The following GLI2 variants were observed in gnomAD, a reference collection of about 807,000 sequenced individuals.
GLI2 encodes GLI family zinc finger 2.
In GLI2, 22 loss-of-function variants were observed where a neutral mutation model predicts 78.9. That is an observed-to-expected ratio of 0.28 (90% confidence interval 0.20 to 0.40). The LOEUF (loss-of-function observed/expected upper bound fraction) is 0.40. Ranked by LOEUF, GLI2 falls within the 10% of genes least tolerant of loss-of-function variation. The probability of loss-of-function intolerance (pLI) is 1.00; values close to 1 mark genes in which losing one functional copy is unlikely to be tolerated. For missense variants in GLI2, 2,097 were observed against 2,213.2 expected (o/e 0.95, Z 1.05); for synonymous variants, 974 against 963.7 (o/e 1.01, Z -0.20).
intron 3 of GLI2, among the ~76,000 whole-genome samples, chr2:120,933,846 GCCCT>G (rs1680061974): frequency 3.0e-5 from 1 of 32,810 alleles, no homozygotes; most frequent in African/African-American, 1.6e-4. Flanking sequence ...TTCCAGCCCT[GCCCT>G]GCCCTGCCCT....
rs1681980422 is a variant in GLI2 at position 120,968,718 on chromosome 2, C to G, written c.648C>G (p.Ser216=). 2 of 1,612,596 alleles carry G rather than the reference C, an allele frequency of 1.2e-6. No individual in the cohort carries two copies. Among genetic ancestry groups the G allele is most frequent in the African/African-American group, 2.7e-5 (2 of 75,020 alleles). ...CTTGTGTTGACTATCCCACAGTGTC[C>G]CGTTTCTCCAGCCCGCGGGTGACGC... ...LHDYLNPVDV[S]RFSSPRVTPR... is the part of the protein sequence containing the mutation. Residue 216 remains serine (S), a synonymous_variant, in exon 6 of 14, where the codon TCC becomes TCG. Transcript: ENST00000361492.
rs1682330637 is a variant in GLI2, at chr2:120,735,873, T to A, written c.-443T>A. On this transcript the variant is annotated 5_prime_UTR_variant, in exon 1 of 14. An upstream start codon of the reference 5' UTR is lost. Coordinates refer to ENST00000361492, the MANE Select transcript of GLI2 (RefSeq NM_001374353.1). The stretch of plus-strand genomic sequence containing the variant: ...GCGCTGCGCAGTCCGGCGGCGCTGA[T>A]GGATTGCAGAAGTGCCGGCGCTTGC... 6.6e-6 allele frequency among the ~76,000 whole-genome samples: 1 copy of A among 151,462 alleles called. No individual in the cohort carries two copies. Among genetic ancestry groups the A allele is most frequent in the African/African-American group, 2.4e-5 (1 of 41,216 alleles).
chr2:120,830,140 C>T (rs1038503303), intron 2 of GLI2, among the ~76,000 whole-genome samples: 4 of 152,204 alleles, frequency 2.6e-5, no homozygotes, highest in Non-Finnish European at 4.4e-5. Context: ...ACCCTGGGCC[C>T]GCTCTGCCCC....
At chr2:120,906,263 C>T (rs753485660) in intron 2 of GLI2, among the ~76,000 whole-genome samples, 1 of 152,184 alleles carries the variant, frequency 6.6e-6, no homozygotes, top group Non-Finnish European at 1.5e-5. Context: ...GGTTTCCCCT[C>T]TCCCTGCCTG....
chr2:120,844,612 C>G (rs1419662394), intron 2 of GLI2, among the ~76,000 whole-genome samples: 1 of 146,928 alleles, frequency 6.8e-6, no homozygotes, highest in Non-Finnish European at 1.5e-5. Flanking sequence ...TTCTTTCCAG[C>G]TCCAAAATGT....
intron 1 of GLI2, among the ~76,000 whole-genome samples, chr2:120,783,995 C>T (rs1031251372): frequency 3.3e-5 from 5 of 152,168 alleles, no homozygotes; most frequent in Non-Finnish European, 5.9e-5. Context: ...GCTTCGGCTT[C>T]GTGTGAGGCT....
intron 2 of GLI2, among the ~76,000 whole-genome samples, chr2:120,855,127 C>G (rs1346595141): frequency 1.3e-5 from 2 of 152,190 alleles, no homozygotes; most frequent in Non-Finnish European, 2.9e-5. Flanking sequence ...AAAACAGAAC[C>G]CACCAGACAT....
Position 120,988,837 on chromosome 2 carries a change from C to T in GLI2, c.2872C>T (p.Arg958Trp). The T allele has an allele frequency of 8.8e-6, 13 of 1,471,044 alleles. No individual in the cohort carries two copies. The highest frequency in any genetic ancestry group is 1.2e-5 in the Non-Finnish European group (13 of 1,113,026). 91.1% of individuals were successfully genotyped at this position (1,471,044 alleles called of 1,614,324 possible). Reference sequence around the variant, plus strand: ...CAGGCGGGCCAGCGACCCTGTGCGGCGGCCCGATGCCCTGTCCCTGCCGCG... The same window carrying T: ...CAGGCGGGCCAGCGACCCTGTGCGGTGGCCCGATGCCCTGTCCCTGCCGCG... The part of the protein sequence containing the change: ...GARRASDPVR[R>W]PDALSLPRVQ... Residue 958 changes from arginine (R) to tryptophan (W), a missense_variant, in exon 14 of 14, where the codon CGG becomes TGG. Physicochemically the swap from Arg to Trp is moderately radical, Grantham distance 101 (BLOSUM62 -3). Transcript: ENST00000361492.
chr2:120,772,618 C>T (rs954052764), intron 1 of GLI2, among the ~76,000 whole-genome samples: 2 of 152,268 alleles, frequency 1.3e-5, no homozygotes, highest in Non-Finnish European at 2.9e-5. Flanking sequence ...GTCTGCCTGC[C>T]TGACCCTTGG....
chr2:120,820,183 A>C (rs1685695751), intron 2 of GLI2, among the ~76,000 whole-genome samples: 1 of 152,142 alleles, frequency 6.6e-6, no homozygotes, highest in African/African-American at 2.4e-5. Flanking sequence ...CTCTGAGCTA[A>C]GATAGTTCTC....
chr2:120,831,240 A>G (rs778915553), intron 2 of GLI2, among the ~76,000 whole-genome samples: 1 of 152,100 alleles, frequency 6.6e-6, no homozygotes, highest in African/African-American at 2.4e-5. Context: ...CTTCTGCCAA[A>G]GGCATCTTGG....
chr2:120,800,351 G>T lies in GLI2; in HGVS notation c.148+2883G>T, dbSNP rs1400221034. On this transcript the variant is annotated intron_variant, in intron 2 of 13. Transcript: ENST00000361492. This position sits in a 1 kb window ranked among gnomAD's most constrained non-coding sequence, Gnocchi z 4.1. ...AGGAGCAGACTGAGTCGACTCCCCT[G>T]TTGCTGCGCAGGTGACCACTTAGAA... 6.6e-6 allele frequency among the ~76,000 whole-genome samples: 1 copy of T among 152,104 alleles called. No individual in the cohort carries two copies. Among genetic ancestry groups the T allele is most frequent in the Admixed American group, 6.5e-5 (1 of 15,272 alleles).
chr2:120,895,961 T>G (rs1558865034), intron 2 of GLI2, among the ~76,000 whole-genome samples: 1 of 152,174 alleles, frequency 6.6e-6, no homozygotes, highest in Non-Finnish European at 1.5e-5. Flanking sequence ...CACCTCCTGG[T>G]GAGACAGATG....
At chr2:120,842,058 C>CA (rs571517244) in intron 2 of GLI2, among the ~76,000 whole-genome samples, 9,548 of 74,270 alleles carry the variant, frequency 0.13, 544 homozygotes, top group Non-Finnish European at 0.19. Flanking sequence ...TTTGTCAACT[C>CA]AAAAAAAAAA....
chr2:120,841,526 A>T (rs1297359514), intron 2 of GLI2, among the ~76,000 whole-genome samples: 2 of 152,232 alleles, frequency 1.3e-5, no homozygotes, highest in African/African-American at 4.8e-5. Flanking sequence ...CACTGAATCC[A>T]CAAGCTTAAG....
intron 2 of GLI2, among the ~76,000 whole-genome samples, chr2:120,883,104 TTGAGAGAGAAG>T (rs1677233442): frequency 6.6e-6 from 1 of 152,212 alleles, no homozygotes. Flanking sequence ...GCTGGGGCTT[TTGAGAGAGAAG>T]TAATAGGTTC....
intron 1 of GLI2, among the ~76,000 whole-genome samples, chr2:120,742,514 C>A (rs1259758121): frequency 2.0e-5 from 3 of 152,034 alleles, no homozygotes; most frequent in Non-Finnish European, 2.9e-5. Flanking sequence ...GATTTTCCAG[C>A]GTATCTTTGG....
chr2:120,955,312 C>T lies in GLI2; in HGVS notation c.525C>T (p.Asp175=), dbSNP rs1051775524. 6 of 1,612,932 alleles carry T rather than the reference C, an allele frequency of 3.7e-6. No homozygotes were observed. The highest frequency in any genetic ancestry group is 4.2e-6 in the Non-Finnish European group (5 of 1,179,032). ...GLPAPGTTPS[D]YYHQMTLVAG... is the part of the protein sequence containing the mutation. ...CTGCTCCAGGCACCACCCCCTCAGACTATTACCACCAGATGACCCTCGTGG... is the reference window on the plus strand; with the variant it reads ...CTGCTCCAGGCACCACCCCCTCAGATTATTACCACCAGATGACCCTCGTGG... The change falls in exon 5 of 14, where the codon GAC becomes GAT. Residue 175 remains aspartate, a synonymous_variant. Coordinates refer to ENST00000361492, the MANE Select transcript of GLI2 (RefSeq NM_001374353.1).
intron 2 of GLI2, among the ~76,000 whole-genome samples, chr2:120,854,831 T>A (rs1687569737): frequency 6.6e-6 from 1 of 152,254 alleles, no homozygotes; most frequent in East Asian, 1.9e-4. Context: ...AGGCCTGCGA[T>A]GGGGCTTGAA....
Sources: allele counts gnomAD v4.1 joint callset (sites outside exome capture counted in the v4.1 genomes callset), GRCh38; gene constraint gnomAD v4.1.1; non-coding constraint Gnocchi (gnomAD v3.1); transcripts MANE v1.5; gene names NCBI Gene and HGNC (gene_info 2026-07-23, HGNC 2026-07-21).